The following FAM167A variants were observed in gnomAD, a reference collection of about 807,000 sequenced individuals.
The protein encoded by FAM167A is family with sequence similarity 167 member A, also known as protein FAM167A.
FAM167A carries 23 observed loss-of-function variants against 14.9 expected under a neutral mutation model. The observed-to-expected ratio is 1.55, with a 90% CI of 1.11 to 2.19. The LOEUF (loss-of-function observed/expected upper bound fraction) is 2.19. Among genes scored for constraint, FAM167A ranks in the 30% most tolerant of loss-of-function variants. The probability of loss-of-function intolerance (pLI) is 0.00; values close to 1 mark genes in which losing one functional copy is unlikely to be tolerated. For synonymous variants in FAM167A, 174 were observed against 117.7 expected (o/e 1.48, Z -3.10); for missense variants, 401 against 281.5 (o/e 1.42, Z -3.04).
Position 11,444,774 on chromosome 8 carries a change from T to C in FAM167A, c.-363A>G. ...GACTGGCAGGAAGAAGGCCCAGAGC[T>C]CTCTCTTCTCGGGAAGGGCAGGTGG... On this transcript the variant is annotated 5_prime_UTR_variant, in exon 2 of 3. Transcript: ENST00000284486. 9.9e-7 allele frequency: 1 copy of C among 1,013,466 alleles called. No individual in the cohort carries two copies. The highest frequency in any genetic ancestry group is 1.7e-5 in the African/African-American group (1 of 58,276). 62.8% of individuals were successfully genotyped at this position (1,013,466 alleles called of 1,614,324 possible).
At chr8:11,448,478 A>C (rs2117104704) in intron 1 of FAM167A, among the ~76,000 whole-genome samples, 1 of 152,344 alleles carries the variant, frequency 6.6e-6, no homozygotes, top group East Asian at 1.9e-4. Flanking sequence ...TATCACCGTC[A>C]CATGACAGAT....
upstream of FAM167A, among the ~76,000 whole-genome samples, chr8:11,472,392 A>G (rs562792854): frequency 1.3e-5 from 2 of 150,318 alleles, no homozygotes; most frequent in African/African-American, 4.9e-5. Context: ...CCTCCTGAAC[A>G]TGCACAGCAT....
chr8:11,466,302 C>T (rs1164856168), intron 1 of FAM167A, among the ~76,000 whole-genome samples: 1 of 152,206 alleles, frequency 6.6e-6, no homozygotes, highest in Non-Finnish European at 1.5e-5. Context: ...AGGCTGAGTG[C>T]GGCCCTCCCT....
At chr8:11,468,484 G>T (rs986855983), upstream of FAM167A, among the ~76,000 whole-genome samples, 10 of 152,264 alleles carry the variant, frequency 6.6e-5, no homozygotes, top group African/African-American at 2.4e-4. Flanking sequence ...TATTTGATTA[G>T]TATGTGTCTC....
chr8:11,446,066 T>G (rs1806767321), intron 1 of FAM167A, among the ~76,000 whole-genome samples: 3 of 149,216 alleles, frequency 2.0e-5, no homozygotes, highest in Non-Finnish European at 3.0e-5. Context: ...TCATGATTAC[T>G]TGTTTGGAGT....
intron 1 of FAM167A, among the ~76,000 whole-genome samples, chr8:11,455,517 G>A (rs1807212179): frequency 1.4e-5 from 2 of 146,116 alleles, no homozygotes; most frequent in East Asian, 2.0e-4. Flanking sequence ...TGAGTGTGTG[G>A]GGTGGTTGCC....
intron 1 of FAM167A, among the ~76,000 whole-genome samples, chr8:11,464,914 G>T (rs1465399105): frequency 1.3e-5 from 2 of 152,168 alleles, no homozygotes; most frequent in Admixed American, 6.5e-5. Flanking sequence ...GTTCCTCCTG[G>T]AGGGGGGCCA....
In FAM167A at chr8:11,443,520, G is replaced by A. The variant is rs117546223; in HGVS notation, c.381+511C>T. The A allele has an allele frequency of 2.3e-4, 38 of 161,972 alleles. No individual in the cohort carries two copies. In the East Asian group the frequency reaches 6.2e-3, roughly 27 times the overall value. The allele number at this position is 161,972 out of a possible 1,614,324, so 10.0% of individuals were successfully genotyped here. On this transcript the variant is annotated intron_variant, in intron 2 of 2. Coordinates refer to ENST00000284486, the MANE Select transcript of FAM167A (RefSeq NM_053279.3). The stretch of plus-strand genomic sequence containing the variant: ...TCACCACTCGAGCACATTCCACACC[G>A]AGCCAGCTCCTCACAGCAGCGCCCT...
intron 1 of FAM167A, among the ~76,000 whole-genome samples, chr8:11,453,765 G>A (rs112151007): frequency 0.024 from 3,606 of 151,784 alleles, 80 homozygotes; most frequent in African/African-American, 0.054. Context: ...GTCCTATGAC[G>A]CTGGCCACTC....
At chr8:11,429,924 G>A (rs552664528) in intron 2 of FAM167A, among the ~76,000 whole-genome samples, 1 of 152,354 alleles carries the variant, frequency 6.6e-6, no homozygotes, top group East Asian at 1.9e-4. Flanking sequence ...CAGAAAATAT[G>A]AACTACGCTG....
intron 2 of FAM167A, among the ~76,000 whole-genome samples, chr8:11,427,160 A>G (rs1471552945): frequency 6.6e-6 from 1 of 152,128 alleles, no homozygotes; most frequent in East Asian, 1.9e-4. Flanking sequence ...CCTTTGGCTT[A>G]GTGATTGTGG....
chr8:11,454,011 G>A (rs757556702), intron 1 of FAM167A, among the ~76,000 whole-genome samples: 3 of 152,196 alleles, frequency 2.0e-5, no homozygotes, highest in Admixed American at 6.5e-5. Flanking sequence ...GCTATCACGC[G>A]TGTGGAAAGC....
At chr8:11,471,094 G>A (rs941852399), upstream of FAM167A, among the ~76,000 whole-genome samples, 2 of 152,228 alleles carry the variant, frequency 1.3e-5, no homozygotes, top group Admixed American at 1.3e-4. Flanking sequence ...ACCACACAGA[G>A]CGTCCACCTT....
chr8:11,449,002 G>A lies in FAM167A; in HGVS notation c.-397-4194C>T, dbSNP rs1268625094. On this transcript the variant is annotated intron_variant, in intron 1 of 2. Transcript: ENST00000284486. ...GCGTGTGTGCAATGTGGAGAGGCCTGAGTTGGGGAGTCACTATTTTAGAGC... is the reference window on the plus strand; with the variant it reads ...GCGTGTGTGCAATGTGGAGAGGCCTAAGTTGGGGAGTCACTATTTTAGAGC... Among the ~76,000 whole-genome samples, 2 of 152,262 alleles carry A rather than the reference G, an allele frequency of 1.3e-5. 1 individual carries two copies. The highest frequency in any genetic ancestry group is 3.8e-4 in the East Asian group (2 of 5,202).
At position 11,456,969 on chromosome 8, in the gene FAM167A, G is replaced by A. The variant is rs529907152; in HGVS notation, c.-398+9657C>T. Reference sequence around the variant, plus strand: ...GGGGCTGGGTTAGGGAAGTGGGCGGGGCTGGGTTAGGGATGTAGGTGGGGC... The same window carrying A: ...GGGGCTGGGTTAGGGAAGTGGGCGGAGCTGGGTTAGGGATGTAGGTGGGGC... On this transcript the variant is annotated intron_variant, in intron 1 of 2. Transcript: ENST00000284486. 2.4e-4 allele frequency among the ~76,000 whole-genome samples: 9 copies of A among 37,898 alleles called. No homozygotes were observed. In the South Asian group the frequency reaches 6.3e-3, roughly 27 times the overall value. 24.9% of individuals were successfully genotyped at this position (37,898 alleles called of 152,430 possible).
chr8:11,427,776 G>A (rs1805283986), intron 2 of FAM167A, among the ~76,000 whole-genome samples: 1 of 152,174 alleles, frequency 6.6e-6, no homozygotes, highest in Admixed American at 6.5e-5. Flanking sequence ...TGGCAAAATT[G>A]GGATTAAAGT....
intron 2 of FAM167A, among the ~76,000 whole-genome samples, chr8:11,435,682 C>G (rs1031064764): frequency 1.3e-5 from 2 of 152,206 alleles, no homozygotes; most frequent in Non-Finnish European, 2.9e-5. Context: ...GCCCCTGGTT[C>G]AAAGTCCTTC....
Position 11,444,463 on chromosome 8 carries a change from G to T in FAM167A, c.-52C>A. 3 of 1,508,284 alleles carry T rather than the reference G, an allele frequency of 2.0e-6. No homozygotes were observed. Among genetic ancestry groups the T allele is most frequent in the Non-Finnish European group, 2.7e-6 (3 of 1,130,966 alleles). The allele number at this position is 1,508,284 out of a possible 1,614,324, so 93.4% of individuals were successfully genotyped here. On this transcript the variant is annotated 5_prime_UTR_variant, in exon 2 of 3. Transcript: ENST00000284486. ...ATGCGAGGGCACGGGGGGCGCAGGG[G>T]GAGGCTTGGTGGGTGGCACAGTTGG...
chr8:11,463,903 C>A (rs1372068256), intron 1 of FAM167A, among the ~76,000 whole-genome samples: 1 of 152,010 alleles, frequency 6.6e-6, no homozygotes, highest in African/African-American at 2.4e-5. Context: ...AAGCCACCCC[C>A]CACTATAGAT....
Sources: allele counts gnomAD v4.1 joint callset (sites outside exome capture counted in the v4.1 genomes callset), GRCh38; gene constraint gnomAD v4.1.1; transcripts MANE v1.5; gene names NCBI Gene and HGNC (gene_info 2026-07-23, HGNC 2026-07-21).